The following DLG2 variants were observed in gnomAD, a reference collection of about 807,000 sequenced individuals.
The protein encoded by DLG2 is disks large homolog 2.
A neutral mutation model predicts 132.5 loss-of-function variants in DLG2; 45 were observed. The ratio of observed to expected loss-of-function variants is 0.34; its 90% confidence interval spans 0.27 to 0.44. The LOEUF is 0.44. Ranked by LOEUF, DLG2 falls within the 20% of genes least tolerant of loss-of-function variation. DLG2 has a pLI of 1.00. For missense variants in DLG2, 1,045 were observed against 1,196.9 expected (o/e 0.87, Z 1.87); for synonymous variants, 424 against 419.6 (o/e 1.01, Z -0.13).
chr11:84,996,028 G>A (rs1406452169), intron 6 of DLG2, among the ~76,000 whole-genome samples: 1 of 152,050 alleles, frequency 6.6e-6, no homozygotes, highest in Non-Finnish European at 1.5e-5. Flanking sequence ...ATTTCTGTCA[G>A]GAGGTCTGCT....
At chr11:84,455,025 A>T (rs895833808) in intron 7 of DLG2, among the ~76,000 whole-genome samples, 1 of 151,432 alleles carries the variant, frequency 6.6e-6, no homozygotes, top group African/African-American at 2.4e-5. Context: ...AAACTTGAAA[A>T]CGTTTTGCTT....
At chr11:85,036,804 C>T (rs1448971276) in intron 6 of DLG2, among the ~76,000 whole-genome samples, 1 of 152,136 alleles carries the variant, frequency 6.6e-6, no homozygotes, top group African/African-American at 2.4e-5. Flanking sequence ...TCTGTTCTGA[C>T]TATCTACAAC....
chr11:85,178,684 A>G (rs2079491390), intron 4 of DLG2, among the ~76,000 whole-genome samples: 1 of 151,956 alleles, frequency 6.6e-6, no homozygotes, highest in Non-Finnish European at 1.5e-5. Context: ...CAAGACAGAT[A>G]TAACAAAGAG....
intron 7 of DLG2, among the ~76,000 whole-genome samples, chr11:84,371,060 C>T (rs549240491): frequency 1.4e-4 from 22 of 152,130 alleles, no homozygotes; most frequent in Non-Finnish European, 2.8e-4. Context: ...GTCTTTTTGT[C>T]GCTTTAGATC....
intron 7 of DLG2, among the ~76,000 whole-genome samples, chr11:84,399,659 C>A (rs1390874613): frequency 1.3e-5 from 2 of 152,150 alleles, no homozygotes; most frequent in Admixed American, 1.3e-4. Context: ...TCGGGTTATC[C>A]ACCCATCTCA....
chr11:85,348,334 A>T (rs999021815), intron 3 of DLG2, among the ~76,000 whole-genome samples: 4 of 151,240 alleles, frequency 2.6e-5, no homozygotes, highest in African/African-American at 9.7e-5. Context: ...GTGATTCTTC[A>T]GCTTCAGCCT....
intron 6 of DLG2, among the ~76,000 whole-genome samples, chr11:85,028,469 A>G (rs960347750): frequency 6.6e-6 from 1 of 152,006 alleles, no homozygotes; most frequent in Non-Finnish European, 1.5e-5. Context: ...TCCTGCCACC[A>G]TTGATCATGT....
chr11:84,256,662 C>T (rs1363656201), intron 7 of DLG2, among the ~76,000 whole-genome samples: 1 of 152,140 alleles, frequency 6.6e-6, no homozygotes, highest in Non-Finnish European at 1.5e-5. Context: ...TCTTATCAGC[C>T]TTACAGGACA....
At chr11:85,383,109 A>C (rs770714468) in intron 3 of DLG2, among the ~76,000 whole-genome samples, 1 of 152,132 alleles carries the variant, frequency 6.6e-6, no homozygotes, top group African/African-American at 2.4e-5. Flanking sequence ...CAGATAAATA[A>C]TATATAGTCT....
chr11:85,253,403 T>C (rs974770681), intron 4 of DLG2, among the ~76,000 whole-genome samples: 2 of 152,194 alleles, frequency 1.3e-5, no homozygotes, highest in African/African-American at 2.4e-5. Context: ...GTGCTGGAAC[T>C]GGCTGGCCAC....
chr11:85,167,124 TA>T (rs1233999760), intron 4 of DLG2, among the ~76,000 whole-genome samples: 6 of 152,146 alleles, frequency 3.9e-5, no homozygotes, highest in Non-Finnish European at 7.4e-5. Context: ...AAAAGCCATA[TA>T]AACTCTAAAA....
chr11:84,667,648 C>G (rs2099701336), intron 6 of DLG2, among the ~76,000 whole-genome samples: 1 of 151,538 alleles, frequency 6.6e-6, no homozygotes. Context: ...AGGCACCCAC[C>G]ACCACGCCTA....
chr11:85,606,700 GCGC>G (rs2080575993), intron 2 of DLG2, among the ~76,000 whole-genome samples: 1 of 152,158 alleles, frequency 6.6e-6, no homozygotes, highest in Non-Finnish European at 1.5e-5. Flanking sequence ...CTTTGGGTCT[GCGC>G]CGCCTTTATG....
chr11:83,933,437 A>G lies in DLG2; in HGVS notation c.1341-2954T>C, dbSNP rs533416983. 2.6e-5 allele frequency among the ~76,000 whole-genome samples: 4 copies of G among 152,350 alleles called. No homozygotes were observed. In the East Asian group the frequency reaches 7.7e-4, roughly 29 times the overall value. ...TCTTGCTGTCCATTTATAAAGAGCC[A>G]TAGATAATGACGTTGTAGCTCATCT... On this transcript the variant is annotated intron_variant, in intron 14 of 27. Coordinates refer to ENST00000376104, the MANE Select transcript of DLG2 (RefSeq NM_001142699.3).
intron 18 of DLG2, among the ~76,000 whole-genome samples, chr11:83,642,070 T>C (rs921108277): frequency 2.0e-5 from 3 of 152,172 alleles, no homozygotes; most frequent in African/African-American, 7.2e-5. Flanking sequence ...AGAGGATGTA[T>C]GCACCTATCT....
chr11:85,136,227 G>A (rs1056414647), intron 5 of DLG2, among the ~76,000 whole-genome samples: 3 of 152,168 alleles, frequency 2.0e-5, no homozygotes, highest in East Asian at 1.9e-4. Context: ...TACTGTAAAT[G>A]CATGTACAAT....
intron 6 of DLG2, among the ~76,000 whole-genome samples, chr11:85,088,074 T>C (rs1352759664): frequency 6.6e-6 from 1 of 152,148 alleles, no homozygotes; most frequent in Non-Finnish European, 1.5e-5. Flanking sequence ...TTGTTTGTAG[T>C]CCAGGTAATA....
At chr11:83,745,935 C>A (rs1162446354) in intron 18 of DLG2, among the ~76,000 whole-genome samples, 1 of 152,178 alleles carries the variant, frequency 6.6e-6, no homozygotes, top group Non-Finnish European at 1.5e-5. Flanking sequence ...ACAGACACTT[C>A]TCAAAAGAAG....
At chr11:85,543,773 C>T (rs140765213) in intron 3 of DLG2, among the ~76,000 whole-genome samples, 3,121 of 152,300 alleles carry the variant, frequency 0.02, 58 homozygotes, top group Admixed American at 0.052. Flanking sequence ...TTGTCGTCTG[C>T]ATAAATGTCT....
Sources: allele counts gnomAD v4.1 joint callset (sites outside exome capture counted in the v4.1 genomes callset), GRCh38; gene constraint gnomAD v4.1.1; transcripts MANE v1.5; gene names NCBI Gene and HGNC (gene_info 2026-07-23, HGNC 2026-07-21).